The following MCPH1 variants were observed in gnomAD, a reference collection of about 807,000 sequenced individuals.
MCPH1 encodes the protein microcephalin 1, also known as microcephalin.
MCPH1 carries 104 observed loss-of-function variants against 84.5 expected under a neutral mutation model. The observed-to-expected ratio is 1.23, with a 90% CI of 1.05 to 1.45. The LOEUF is 1.45. Among genes scored for constraint, MCPH1 ranks in the 40% most tolerant of loss-of-function variants. The pLI, the probability that MCPH1 is intolerant of heterozygous loss-of-function variation, is 0.00. For missense variants in MCPH1, 1,498 were observed against 1,005.7 expected, an observed-to-expected ratio of 1.49 and a Z score of -6.62; for synonymous variants, 514 against 366.8, an observed-to-expected ratio of 1.40 and a Z score of -4.58.
intron 12 of MCPH1, among the ~76,000 whole-genome samples, chr8:6,608,486 G>C (rs996064669): frequency 1.3e-5 from 2 of 152,110 alleles, no homozygotes; most frequent in Non-Finnish European, 2.9e-5. Flanking sequence ...GGGACTCAGG[G>C]ACTCTGTTTT....
At chr8:6,530,508 CAAAAAAAAAAAA>C (rs55729820) in intron 12 of MCPH1, among the ~76,000 whole-genome samples, 1 of 98,050 alleles carries the variant, frequency 1.0e-5, no homozygotes, top group African/African-American at 3.6e-5. Flanking sequence ...GACTCTGTCT[CAAAAAAAAAAAA>C]AAAAAAAAAA....
chr8:6,612,702 A>G (rs1435172239), intron 12 of MCPH1, among the ~76,000 whole-genome samples: 2 of 152,264 alleles, frequency 1.3e-5, no homozygotes, highest in East Asian at 1.9e-4. Flanking sequence ...TCCTCCGCTC[A>G]CATCGCCGCT....
At position 6,569,639 on chromosome 8, in the gene MCPH1, G is replaced by A. The variant is rs142476187; in HGVS notation, c.2215-51815G>A. Among the ~76,000 whole-genome samples, 12 of 152,326 alleles carry A rather than the reference G, an allele frequency of 7.9e-5. 1 individual carries two copies. The East Asian group carries it at 2.1e-3, about 27-fold the overall frequency. ...GAAATCAAGGCTCCGTGAAGAGAGA[G>A]ACAAGAATTCCCTTAGCCAAGTGCC... On this transcript the variant is annotated intron_variant, in intron 12 of 13. Coordinates refer to ENST00000344683, the MANE Select transcript of MCPH1 (RefSeq NM_024596.5).
At chr8:6,486,348 A>T (rs151076329) in intron 11 of MCPH1, among the ~76,000 whole-genome samples, 3 of 150,900 alleles carry the variant, frequency 2.0e-5, no homozygotes, top group African/African-American at 7.3e-5. Context: ...CCTGTCTCCA[A>T]TGTAGTTGGG....
intron 3 of MCPH1, among the ~76,000 whole-genome samples, chr8:6,419,298 C>T (rs1585629742): frequency 6.6e-6 from 1 of 152,268 alleles, no homozygotes; most frequent in East Asian, 1.9e-4. Flanking sequence ...CAGCTTACTG[C>T]AGCCTTGACC....
rs1254305062 is a variant in MCPH1 at position 6,546,193 on chromosome 8, G to A, written c.2214+46264G>A. On this transcript the variant is annotated intron_variant, in intron 12 of 13. Coordinates refer to ENST00000344683, the MANE Select transcript of MCPH1 (RefSeq NM_024596.5). ...TGAGTTAGCACAATTCCCAAACTGT[G>A]TGCCAAGGCACCCTGGGTCCTTGCA... Among the ~76,000 whole-genome samples the A allele has an allele frequency of 4.6e-5, 7 of 152,372 alleles. No homozygotes were observed. The South Asian group carries it at 1.4e-3, about 32-fold the overall frequency.
At chr8:6,621,433 C>G (rs752730008) in intron 12 of MCPH1, 21 bp from the exon 13 acceptor site, 2 of 1,613,352 alleles carry the variant, frequency 1.2e-6, no homozygotes, top group Admixed American at 3.3e-5. Flanking sequence ...CTCTGTAATT[C>G]TATCTCTGTC....
intron 12 of MCPH1, among the ~76,000 whole-genome samples, chr8:6,549,797 G>T (rs1823293131): frequency 6.6e-6 from 1 of 151,306 alleles, no homozygotes; most frequent in Non-Finnish European, 1.5e-5. Context: ...GGTGGTCATT[G>T]CACAGGTGCG....
At position 6,444,678 on chromosome 8, in the gene MCPH1, C is replaced by T. The variant is rs1396703635; in HGVS notation, c.956C>T (p.Ala319Val). Reference sequence around the variant, plus strand: ...GTCACCCCTGACCAAAAGCAGGCTGCAGGTATGTCTCAGGAGACGTTTGAA... The same window carrying T: ...GTCACCCCTGACCAAAAGCAGGCTGTAGGTATGTCTCAGGAGACGTTTGAA... ...KVVTPDQKQAAGMSQETFEEK... is the reference protein window; with the variant it reads ...KVVTPDQKQAVGMSQETFEEK... The change falls in exon 8 of 14, where the codon GCA (alanine) becomes GTA (valine). Residue 319 changes from alanine (A) to valine (V), a missense_variant. Physicochemically the swap from Ala to Val is moderately conservative, Grantham distance 64. Transcript: ENST00000344683. 1.2e-6 allele frequency: 2 copies of T among 1,614,080 alleles called. No individual in the cohort carries two copies. The highest frequency in any genetic ancestry group is 1.7e-6 in the Non-Finnish European group (2 of 1,180,022).
chr8:6,552,943 C>T (rs934576908), intron 12 of MCPH1, among the ~76,000 whole-genome samples: 2 of 151,986 alleles, frequency 1.3e-5, no homozygotes, highest in African/African-American at 4.8e-5. Context: ...CAGGGTTTGC[C>T]AGGGGTTAAG....
chr8:6,536,826 T>G (rs1386909786), intron 12 of MCPH1, among the ~76,000 whole-genome samples: 1 of 152,150 alleles, frequency 6.6e-6, no homozygotes, highest in Admixed American at 6.5e-5. Context: ...CCTTGATGAA[T>G]TAGTTATTTT....
In MCPH1 at chr8:6,418,421, A is replaced by G. The variant is rs182401705; in HGVS notation, c.233+3538A>G. 9.2e-5 allele frequency among the ~76,000 whole-genome samples: 14 copies of G among 152,148 alleles called. No individual in the cohort carries two copies. The East Asian group carries it at 2.7e-3, about 29-fold the overall frequency. On this transcript the variant is annotated intron_variant, in intron 3 of 13. Transcript: ENST00000344683. Reference sequence around the variant, plus strand: ...TTTATTTTATTTTTCCTGTATTTCCAGGACGTATAGCTTATAGTTCACCTA... The same window carrying G: ...TTTATTTTATTTTTCCTGTATTTCCGGGACGTATAGCTTATAGTTCACCTA...
At chr8:6,559,226 C>G (rs957869738) in intron 12 of MCPH1, among the ~76,000 whole-genome samples, 4 of 101,436 alleles carry the variant, frequency 3.9e-5, no homozygotes, top group African/African-American at 1.9e-4. Context: ...TAGCCACACA[C>G]GACAACACAC....
At chr8:6,552,978 G>C (rs1823925752) in intron 12 of MCPH1, among the ~76,000 whole-genome samples, 1 of 152,324 alleles carries the variant, frequency 6.6e-6, no homozygotes, top group African/African-American at 2.4e-5. Context: ...TGCAGGTAGA[G>C]CACAGAGGAT....
chr8:6,489,421 C>T (rs1343898908), intron 11 of MCPH1, among the ~76,000 whole-genome samples: 2 of 152,058 alleles, frequency 1.3e-5, no homozygotes, highest in African/African-American at 2.4e-5. Flanking sequence ...GAAGGATGCT[C>T]AGCTGTGCTG....
At chr8:6,474,615 T>C (rs1443222648) in intron 9 of MCPH1, among the ~76,000 whole-genome samples, 1 of 152,248 alleles carries the variant, frequency 6.6e-6, no homozygotes, top group East Asian at 1.9e-4. Context: ...ATTTACATTT[T>C]TTCATAGTCT....
At chr8:6,492,319 G>C (rs749256705) in intron 11 of MCPH1, among the ~76,000 whole-genome samples, 1 of 152,022 alleles carries the variant, frequency 6.6e-6, no homozygotes, top group Non-Finnish European at 1.5e-5. Flanking sequence ...CTTGTTGATG[G>C]GGTTGTTTTT....
At chr8:6,446,947 T>G (rs1329359239) in intron 8 of MCPH1, 1 of 985,232 alleles carries the variant, frequency 1.0e-6, no homozygotes, top group African/African-American at 1.7e-5. Context: ...ACTAGTTGAC[T>G]CAAGGCACCC....
At chr8:6,542,007 CA>C (rs764731302) in intron 12 of MCPH1, among the ~76,000 whole-genome samples, 3,346 of 57,226 alleles carry the variant, frequency 0.058, 41 homozygotes, top group Middle Eastern at 0.15. Flanking sequence ...GACTCAATCT[CA>C]AAAAAAAAAA....
Sources: gnomAD v4.1 joint callset for allele counts (sites outside exome capture counted in the v4.1 genomes callset) on GRCh38, gnomAD v4.1.1 for gene constraint, MANE v1.5 for transcripts, NCBI Gene and HGNC (gene_info 2026-07-23, HGNC 2026-07-21) for gene names.